The following DSCAML1 variants were observed in gnomAD, a reference collection of about 807,000 sequenced individuals.
DSCAML1 encodes the protein cell adhesion molecule DSCAML1.
Under a neutral mutation model 200.5 loss-of-function variants are expected in DSCAML1, and 38 were observed. That is an observed-to-expected ratio of 0.19 (90% CI 0.15 to 0.25). The LOEUF is 0.25. Ranked by LOEUF, DSCAML1 falls within the 10% of genes least tolerant of loss-of-function variation. The pLI is 1.00. For synonymous variants in DSCAML1, 1,215 were observed against 1,165.0 expected, an observed-to-expected ratio of 1.04 and a Z score of -0.87; for missense variants, 2,223 against 2,858.8, an observed-to-expected ratio of 0.78 and a Z score of 5.07.
intron 14 of DSCAML1, among the ~76,000 whole-genome samples, chr11:117,479,658 T>G (rs1304520819): frequency 2.0e-5 from 3 of 150,366 alleles, no homozygotes; most frequent in East Asian, 2.0e-4. Context: ...GCTTTTTTTG[T>G]TTTTTTTTGA....
chr11:117,504,079 G>T lies in DSCAML1; in HGVS notation c.2183-58C>A. On this transcript the variant is annotated intron_variant, in intron 10 of 32. Coordinates refer to ENST00000651296, the MANE Select transcript of DSCAML1 (RefSeq NM_020693.4). The surrounding 1 kb of genome is among the most constrained non-coding windows in gnomAD (Gnocchi z 5.0). ...CTGCACTGGGGCATAAGCTGAGAGT[G>T]CCCCAGGAGTGGCCCTGACACCTCG... The T allele has an allele frequency of 1.3e-6, 2 of 1,581,840 alleles. No individual in the cohort carries two copies. Among genetic ancestry groups the T allele is most frequent in the Non-Finnish European group, 8.6e-7 (1 of 1,160,438 alleles).
At chr11:117,593,125 T>C (rs1342088179) in intron 3 of DSCAML1, among the ~76,000 whole-genome samples, 1 of 152,160 alleles carries the variant, frequency 6.6e-6, no homozygotes, top group Non-Finnish European at 1.5e-5. Flanking sequence ...AAGGGGGCAG[T>C]GAGGGGCATA....
intron 3 of DSCAML1, among the ~76,000 whole-genome samples, chr11:117,680,791 C>T (rs551793557): frequency 5.9e-5 from 9 of 152,296 alleles, no homozygotes; most frequent in East Asian, 3.9e-4. Flanking sequence ...AGCAGGCTCA[C>T]GCCCCCTGCC....
In DSCAML1 at chr11:117,780,774, A is replaced by G; in HGVS notation, c.83T>C (p.Val28Ala). The G allele has an allele frequency of 6.6e-7, 1 of 1,504,718 alleles. No homozygotes were observed. The highest frequency in any genetic ancestry group is 1.3e-5 in the South Asian group (1 of 76,118). The allele number at this position is 1,504,718 out of a possible 1,614,324, so 93.2% of individuals were successfully genotyped here. The change falls in exon 2 of 33, where the codon GTA (valine) becomes GCA (alanine). Residue 28 changes from valine to alanine, a missense_variant. Val to Ala is a moderately conservative substitution (Grantham distance 64). Transcript: ENST00000651296. This position sits in a 1 kb window ranked among gnomAD's most constrained non-coding sequence, Gnocchi z 4.8. ...PEDVGTSLYF[V>A]NDSLQQVTFS... The stretch of plus-strand genomic sequence containing the variant: ...GGTCACCTGCTGCAAGGAGTCATTT[A>G]CAAAGTAGAGGCTGGTGCCAACATC...
intron 3 of DSCAML1, among the ~76,000 whole-genome samples, chr11:117,554,151 G>T (rs1380208957): frequency 6.6e-6 from 1 of 152,216 alleles, no homozygotes; most frequent in Non-Finnish European, 1.5e-5. Context: ...GGGGCTGAGG[G>T]GAGGGGGAAT....
rs529846499 is a variant in DSCAML1 at position 117,726,816 on chromosome 11, CTTGGA to C, written c.511+49970_511+49974del. Among the ~76,000 whole-genome samples the C allele has an allele frequency of 2.7e-3, 411 of 152,188 alleles. 1 individual carries two copies. Among genetic ancestry groups the C allele is most frequent in the African/African-American group, 9.3e-3 (386 of 41,512 alleles). ...TTGGTAGTGATCGCGGGAGAATGAG[CTTGGA>C]TTGTGATGTGGAGGTCTCTGGGAAC... On this transcript the variant is annotated intron_variant, in intron 3 of 32. Transcript: ENST00000651296.
At chr11:117,798,047 G>T (rs1565291715), upstream of DSCAML1, among the ~76,000 whole-genome samples, 3 of 152,338 alleles carry the variant, frequency 2.0e-5, no homozygotes, top group East Asian at 3.9e-4. Flanking sequence ...ACTCAGGCAT[G>T]GCTGAGCCAG....
Position 117,481,946 on chromosome 11 carries a change from G to C in DSCAML1, c.2559+17C>G. ...CTGAGAGTTGGGGTCCCCCAGCACTGAGGTGGGGGTGCTCACCTTCAGTGT... is the reference window on the plus strand; with the variant it reads ...CTGAGAGTTGGGGTCCCCCAGCACTCAGGTGGGGGTGCTCACCTTCAGTGT... On this transcript the variant is annotated intron_variant, in intron 12 of 32. Coordinates refer to ENST00000651296, the MANE Select transcript of DSCAML1 (RefSeq NM_020693.4). 1 of 1,613,664 alleles carries C rather than the reference G, an allele frequency of 6.2e-7. No individual in the cohort carries two copies. Among genetic ancestry groups the C allele is most frequent in the East Asian group, 2.2e-5 (1 of 44,874 alleles).
At chr11:117,448,806 C>T (rs369577504) in intron 20 of DSCAML1, among the ~76,000 whole-genome samples, 1 of 152,254 alleles carries the variant, frequency 6.6e-6, no homozygotes, top group East Asian at 1.9e-4. Context: ...GCAGGCTGTT[C>T]TCAGTGAACA....
At chr11:117,451,826 A>T (rs906436394) in intron 19 of DSCAML1, among the ~76,000 whole-genome samples, 36 of 137,188 alleles carry the variant, frequency 2.6e-4, no homozygotes, top group East Asian at 1.5e-3. Flanking sequence ...AAAAAAAAAA[A>T]AATAATAAAG....
chr11:117,738,683 C>T (rs907839406), intron 3 of DSCAML1, among the ~76,000 whole-genome samples: 1 of 152,278 alleles, frequency 6.6e-6, no homozygotes, highest in South Asian at 2.1e-4. Flanking sequence ...TTCCATGATG[C>T]CCAGGGAAGA....
intron 3 of DSCAML1, among the ~76,000 whole-genome samples, chr11:117,751,157 G>A (rs1476379994): frequency 2.0e-5 from 3 of 152,078 alleles, no homozygotes; most frequent in Admixed American, 6.5e-5. Flanking sequence ...TGCATTATCC[G>A]GGCCCGTAAT....
intron 3 of DSCAML1, among the ~76,000 whole-genome samples, chr11:117,684,462 A>AAAAAAAAAAAG (rs1565872985): frequency 7.7e-6 from 1 of 129,954 alleles, no homozygotes. Flanking sequence ...AAAAAAAAAG[A>AAAAAAAAAAAG]AAAAAAGAGG....
At chr11:117,511,437 C>T (rs1192068366) in intron 8 of DSCAML1, among the ~76,000 whole-genome samples, 1 of 152,202 alleles carries the variant, frequency 6.6e-6, no homozygotes, top group South Asian at 2.1e-4. Context: ...AAACATTCAG[C>T]CTGCATGCCC....
At chr11:117,797,373 G>C, upstream of DSCAML1, 1 of 1,003,702 alleles carries the variant, frequency 1.0e-6, no homozygotes, top group Non-Finnish European at 1.3e-6. Flanking sequence ...CCCAGGAACA[G>C]GAGCGGCGGC....
At chr11:117,735,702 G>C (rs117094678) in intron 3 of DSCAML1, among the ~76,000 whole-genome samples, 2,041 of 152,318 alleles carry the variant, frequency 0.013, 21 homozygotes, top group Non-Finnish European at 0.021. Context: ...TGAAAAACAA[G>C]AGAGACCATA....
chr11:117,531,320 G>A (rs567636221), intron 4 of DSCAML1, among the ~76,000 whole-genome samples: 9 of 152,172 alleles, frequency 5.9e-5, no homozygotes, highest in Admixed American at 2.0e-4. Flanking sequence ...GCTTCCCTAA[G>A]ATTTGGTTTT....
At chr11:117,576,368 G>A (rs975596758) in intron 3 of DSCAML1, among the ~76,000 whole-genome samples, 10 of 152,134 alleles carry the variant, frequency 6.6e-5, no homozygotes, top group South Asian at 2.1e-4. Flanking sequence ...AATCTGGCTC[G>A]TGCTCTTGGG....
At chr11:117,488,291 G>A (rs767501982) in intron 11 of DSCAML1, among the ~76,000 whole-genome samples, 8 of 152,186 alleles carry the variant, frequency 5.3e-5, no homozygotes, top group Non-Finnish European at 1.5e-5. Flanking sequence ...TTAATAGGGG[G>A]AAGTTCAGGG....
Sources: gnomAD v4.1 joint callset for allele counts (sites outside exome capture counted in the v4.1 genomes callset) on GRCh38, gnomAD v4.1.1 for gene constraint, Gnocchi (gnomAD v3.1) non-coding constraint, MANE v1.5 for transcripts, NCBI Gene and HGNC (gene_info 2026-07-23, HGNC 2026-07-21) for gene names.